Variants in MALSU1 observed in about 807,000 individuals in gnomAD.
The protein encoded by MALSU1 is mitochondrial assembly of ribosomal large subunit 1.
In MALSU1, 22 loss-of-function variants were observed where a neutral mutation model predicts 22.1. The ratio of observed to expected loss-of-function variants is 1.00; its 90% CI spans 0.71 to 1.42. MALSU1 has a LOEUF of 1.42. Among genes scored for constraint, MALSU1 ranks in the 40% most tolerant of loss-of-function variants. The probability of loss-of-function intolerance (pLI) is 0.00; values close to 1 mark genes in which losing one functional copy is unlikely to be tolerated. For missense variants in MALSU1, 379 were observed against 308.3 expected, an observed-to-expected ratio of 1.23 and a Z score of -1.72; for synonymous variants, 153 against 118.5, an observed-to-expected ratio of 1.29 and a Z score of -1.89.
chr7:23,302,483 A>T (rs570445338), intron 2 of MALSU1, among the ~76,000 whole-genome samples: 5 of 152,224 alleles, frequency 3.3e-5, no homozygotes, highest in East Asian at 1.9e-4. Flanking sequence ...GAGCAGAAGA[A>T]GATGCCAAAA....
rs1783743556 is a variant in MALSU1 at position 23,307,900 on chromosome 7, T to C, written c.468T>C (p.His156=). ...YKHLKCKRDP[H]VKIEGKDTDD... is the part of the protein sequence containing the mutation. ...ACCTGAAATGTAAACGTGACCCTCATGTTAAGATAGAAGGGAAGGACACTG... is the reference window on the plus strand; with the variant it reads ...ACCTGAAATGTAAACGTGACCCTCACGTTAAGATAGAAGGGAAGGACACTG... The change falls in exon 3 of 4, where the codon CAT becomes CAC. Residue 156 remains histidine (H), a synonymous_variant. Transcript: ENST00000466681. 1.2e-6 allele frequency: 2 copies of C among 1,613,916 alleles called. No individual in the cohort carries two copies. The highest frequency in any genetic ancestry group is 1.7e-6 in the Non-Finnish European group (2 of 1,179,874).
chr7:23,308,729 C>G (rs1181359389), intron 3 of MALSU1, among the ~76,000 whole-genome samples: 2 of 152,166 alleles, frequency 1.3e-5, no homozygotes, highest in African/African-American at 2.4e-5. Flanking sequence ...TTTTTTATAA[C>G]TGGCAGGAAG....
chr7:23,306,368 T>C (rs1783722748), intron 2 of MALSU1, among the ~76,000 whole-genome samples: 1 of 152,176 alleles, frequency 6.6e-6, no homozygotes, highest in African/African-American at 2.4e-5. Context: ...TGGGGTTTTC[T>C]ACATATGAAG....
chr7:23,308,055 G>C, intron 3 of MALSU1, 106 bp downstream of exon 3: 1 of 936,310 alleles, frequency 1.1e-6, no homozygotes, highest in Non-Finnish European at 1.7e-6. Context: ...TGTATTTCCA[G>C]GTAAGATTTT....
intron 2 of MALSU1, among the ~76,000 whole-genome samples, chr7:23,304,572 T>A (rs888900538): frequency 6.6e-6 from 1 of 152,206 alleles, no homozygotes; most frequent in Non-Finnish European, 1.5e-5. Context: ...TGGTCATAGC[T>A]CACTGCAGCC....
At chr7:23,306,129 G>A (rs1296439502) in intron 2 of MALSU1, among the ~76,000 whole-genome samples, 1 of 152,142 alleles carries the variant, frequency 6.6e-6, no homozygotes, top group African/African-American at 2.4e-5. Context: ...GGGAGGTGGA[G>A]GTTGCTGTGA....
At chr7:23,307,725 T>A in intron 2 of MALSU1, 143 bp from the exon 3 acceptor site, 1 of 585,872 alleles carries the variant, frequency 1.7e-6, no homozygotes, top group Non-Finnish European at 3.0e-6. Flanking sequence ...CCTAAGTTAT[T>A]CATCACAGGG....
rs533393425 is a variant in MALSU1, at chr7:23,309,875, CTGTT to C, written c.*338_*341del. On this transcript the variant is annotated 3_prime_UTR_variant, in exon 4 of 4. Coordinates refer to ENST00000466681, the MANE Select transcript of MALSU1 (RefSeq NM_138446.2). The stretch of plus-strand genomic sequence containing the variant: ...TTTAGCTTAAATGTAAATCTTAACC[CTGTT>C]TGTTTAATGGAATGGCAAAAATTTT... The C allele has an allele frequency of 1.4e-3, 227 of 161,784 alleles. 1 individual carries two copies. The highest frequency in any genetic ancestry group is 2.7e-3 in the East Asian group (16 of 5,830). 10.0% of individuals were successfully genotyped at this position (161,784 alleles called of 1,614,324 possible).
rs796676568 is a variant in MALSU1, at chr7:23,309,696, G to A, written c.*153G>A. 11 of 520,754 alleles carry A rather than the reference G, an allele frequency of 2.1e-5. No homozygotes were observed. Among genetic ancestry groups the A allele is most frequent in the African/African-American group, 2.0e-4 (10 of 51,020 alleles). 32.3% of individuals were successfully genotyped at this position (520,754 alleles called of 1,614,324 possible). A position where few individuals can be genotyped will look rare whatever the true frequency, so the allele number is the denominator to read the frequency against. On this transcript the variant is annotated 3_prime_UTR_variant, in exon 4 of 4. Coordinates refer to ENST00000466681, the MANE Select transcript of MALSU1 (RefSeq NM_138446.2). ...TCCTGCTAACTGGCATGCAGAGACT[G>A]TCGATAAGTGAGCTATACCTGCAAC...
At chr7:23,302,588 G>C (rs1405783510) in intron 2 of MALSU1, among the ~76,000 whole-genome samples, 1 of 152,124 alleles carries the variant, frequency 6.6e-6, no homozygotes, top group Non-Finnish European at 1.5e-5. Context: ...ATGTAATAGT[G>C]GGATGGAGTC....
In MALSU1 at chr7:23,300,386, T is replaced by C. The variant is rs77982413; in HGVS notation, c.257-453T>C. ...TTCTTCATCTCTCAACTGAAGGTTG[T>C]GGACCAGATACTGCCTAAGAGCCCT... is the stretch of plus-strand genomic sequence containing the variant. On this transcript the variant is annotated intron_variant, in intron 1 of 3. Coordinates refer to ENST00000466681, the MANE Select transcript of MALSU1 (RefSeq NM_138446.2). 5.6e-3 allele frequency among the ~76,000 whole-genome samples: 858 copies of C among 152,276 alleles called. 45 individuals are homozygous for C. The East Asian group carries it at 0.13, about 23-fold the overall frequency.
rs747675741 is a variant in MALSU1 at position 23,299,645 on chromosome 7, G to T, written c.256+37G>T. ...GAGAAGAACGAAGGCGACCCTCTCC[G>T]GGCAGTCTGGAGTCAGGTCCCAGCC... On this transcript the variant is annotated intron_variant, in intron 1 of 3. Coordinates refer to ENST00000466681, the MANE Select transcript of MALSU1 (RefSeq NM_138446.2). 6 of 1,537,572 alleles carry T rather than the reference G, an allele frequency of 3.9e-6. No individual in the cohort carries two copies. In the East Asian group the frequency reaches 7.4e-5, roughly 19 times the overall value.
rs113996538 is a variant in MALSU1 at position 23,311,542 on chromosome 7, C to T, written c.*1999C>T. 0.069 allele frequency: 10,485 copies of T among 152,304 alleles called. 702 individuals are homozygous for T. Among genetic ancestry groups the T allele is most frequent in the African/African-American group, 0.17 (6,985 of 41,474 alleles). The allele number at this position is 152,304 out of a possible 1,614,324, so 9.4% of individuals were successfully genotyped here. A position where few individuals can be genotyped will look rare whatever the true frequency, so the allele number is the denominator to read the frequency against. On this transcript the variant is annotated 3_prime_UTR_variant, in exon 4 of 4. Transcript: ENST00000466681. ...AAATGGTAGTGCTGCTCTCCAGATA[C>T]TAGGCACTGCTCCGTATTTTTGAAC... is the stretch of plus-strand genomic sequence containing the variant.
rs879654221 is a variant in MALSU1 at position 23,311,114 on chromosome 7, ATTT to A, written c.*1581_*1583del. On this transcript the variant is annotated 3_prime_UTR_variant, in exon 4 of 4. Transcript: ENST00000466681. ...ACTTTACTACTTAAGGTGGAGTCTA[ATTT>A]TTTTTTTTTAATTTATCAGTGCTTA... 3.4e-5 allele frequency: 5 copies of A among 147,764 alleles called. No homozygotes were observed. The highest frequency in any genetic ancestry group is 6.0e-5 in the Non-Finnish European group (4 of 66,622). 9.2% of individuals were successfully genotyped at this position (147,764 alleles called of 1,614,324 possible).
rs766937705 is a variant in MALSU1, at chr7:23,309,427, C to T, written c.589C>T (p.Arg197Cys). Residue 197 changes from arginine to cysteine, a missense_variant, in exon 4 of 4, where the codon CGT (arginine) becomes TGT (cysteine). By Grantham distance (180) the Arg-to-Cys change is radical (BLOSUM62 -3). Transcript: ENST00000466681. ...TGAATTAGAGAAATTATGGACCCTA[C>T]GTTCTTATGATGACCAGTTAGCTCA... ...IYELEKLWTL[R>C]SYDDQLAQIA... is the part of the protein sequence containing the mutation. The T allele has an allele frequency of 3.0e-5, 48 of 1,613,448 alleles. No individual in the cohort carries two copies. The highest frequency in any genetic ancestry group is 6.7e-5 in the Admixed American group (4 of 59,970).
chr7:23,299,567 A>AGG lies in MALSU1; in HGVS notation c.218_219dup (p.Thr74GlyfsTer24), dbSNP rs1562654921. The AGG allele has an allele frequency of 1.2e-6, 2 of 1,607,178 alleles. No individual in the cohort carries two copies. The highest frequency in any genetic ancestry group is 1.7e-6 in the Non-Finnish European group (2 of 1,177,170). On this transcript the variant is annotated frameshift_variant, in exon 1 of 4. Transcript: ENST00000466681. LOFTEE classifies it high-confidence loss of function. The stretch of plus-strand genomic sequence containing the variant: ...GAGCCTGGGCTGGAGGAGCGGGCGG[A>AGG]GGGGACGGTCAACGAGGGACGCCCA...
Position 23,309,840 on chromosome 7 carries a change from ATTAAT to A in MALSU1, c.*306_*310del, listed in dbSNP as rs1318078195. ...GCTTGACTTCTCTGCTCAGATTTTT[ATTAAT>A]TTAATTTAGCTTAAATGTAAATCTT... On this transcript the variant is annotated 3_prime_UTR_variant, in exon 4 of 4. Coordinates refer to ENST00000466681, the MANE Select transcript of MALSU1 (RefSeq NM_138446.2). 1.1e-5 allele frequency: 2 copies of A among 185,872 alleles called. No homozygotes were observed. The highest frequency in any genetic ancestry group is 4.7e-5 in the African/African-American group (2 of 42,814). 11.5% of individuals were successfully genotyped at this position (185,872 alleles called of 1,614,324 possible).
rs567798429 is a variant in MALSU1, at chr7:23,309,488, T to C, written c.650T>C (p.Leu217Pro). 1.4e-5 allele frequency: 22 copies of C among 1,612,742 alleles called. No individual in the cohort carries two copies. Among genetic ancestry groups the C allele is most frequent in the Middle Eastern group, 1.7e-4 (1 of 6,056 alleles). ...GAGACAGTACCTGAAGACTTCATTC[T>C]TGGAATAGAAGATGATACTTCATCT... Reference protein sequence around the residue: ...APETVPEDFILGIEDDTSSVT... With the variant: ...APETVPEDFIPGIEDDTSSVT... The change falls in exon 4 of 4, where the codon CTT becomes CCT. Residue 217 changes from leucine (L) to proline (P), a missense_variant. Coordinates refer to ENST00000466681, the MANE Select transcript of MALSU1 (RefSeq NM_138446.2).
intron 2 of MALSU1, among the ~76,000 whole-genome samples, chr7:23,301,387 A>C (rs1309359429): frequency 6.6e-6 from 1 of 151,846 alleles, no homozygotes; most frequent in Non-Finnish European, 1.5e-5. Context: ...CATCCTCCTG[A>C]GTAGCTGGGA....
Sources: gnomAD v4.1 joint callset for allele counts (sites outside exome capture counted in the v4.1 genomes callset) on GRCh38, gnomAD v4.1.1 for gene constraint, MANE v1.5 for transcripts, NCBI Gene and HGNC (gene_info 2026-07-23, HGNC 2026-07-21) for gene names.